Variants in APBA2 observed in about 807,000 individuals in gnomAD.
APBA2 encodes the protein amyloid-beta A4 precursor protein-binding family A member 2.
A neutral mutation model predicts 75.0 loss-of-function variants in APBA2; 30 were observed. The ratio of observed to expected loss-of-function variants is 0.40; its 90% CI spans 0.30 to 0.54. The LOEUF (loss-of-function observed/expected upper bound fraction) is 0.54, where lower values mean the gene tolerates loss of function less well. Ranked by LOEUF, APBA2 falls within the 20% of genes least tolerant of loss-of-function variation. The pLI is 0.49. For synonymous variants in APBA2, 444 were observed against 409.6 expected, an observed-to-expected ratio of 1.08 and a Z score of -1.01; for missense variants, 801 against 1,016.1, an observed-to-expected ratio of 0.79 and a Z score of 2.88.
chr15:28,890,159 C>G (rs2032035863), intron 1 of APBA2, among the ~76,000 whole-genome samples: 1 of 152,192 alleles, frequency 6.6e-6, no homozygotes, highest in Non-Finnish European at 1.5e-5. Context: ...TGGCATGTAG[C>G]ACAGACCCTC....
At chr15:29,113,718 C>T (rs1429630423) in intron 13 of APBA2, among the ~76,000 whole-genome samples, 158 bp from the exon 14 acceptor site, 1 of 152,178 alleles carries the variant, frequency 6.6e-6, no homozygotes, top group African/African-American at 2.4e-5. Flanking sequence ...AAACATACTG[C>T]ATATCATAAG....
intron 6 of APBA2, among the ~76,000 whole-genome samples, chr15:29,091,944 G>A (rs1376080869): frequency 6.6e-6 from 1 of 152,200 alleles, no homozygotes; most frequent in African/African-American, 2.4e-5. Context: ...AATCCCCAGT[G>A]GAAGGGGCTC....
intron 2 of APBA2, among the ~76,000 whole-genome samples, chr15:28,960,286 C>A (rs916188240): frequency 6.6e-6 from 1 of 151,424 alleles, no homozygotes. Flanking sequence ...CACAGCAAGA[C>A]CCCTGTCTCC....
At chr15:28,993,570 G>A (rs888942106) in intron 2 of APBA2, among the ~76,000 whole-genome samples, 2 of 152,098 alleles carry the variant, frequency 1.3e-5, no homozygotes, top group African/African-American at 2.4e-5. Context: ...CTCAAAACCC[G>A]TTCTAAATGG....
chr15:29,033,226 G>A (rs750554386), intron 3 of APBA2, among the ~76,000 whole-genome samples: 3 of 151,644 alleles, frequency 2.0e-5, no homozygotes, highest in African/African-American at 2.4e-5. Context: ...CAAGGCCCAC[G>A]TCTGCTGCCC....
chr15:29,078,674 C>T (rs1180792813), intron 6 of APBA2, among the ~76,000 whole-genome samples: 1 of 151,600 alleles, frequency 6.6e-6, no homozygotes, highest in Non-Finnish European at 1.5e-5. Flanking sequence ...GCCGCCGGTT[C>T]GATGGCTCTG....
intron 2 of APBA2, among the ~76,000 whole-genome samples, chr15:28,929,183 G>A (rs1040953345): frequency 6.6e-6 from 1 of 152,216 alleles, no homozygotes. Flanking sequence ...TTATTTGATG[G>A]TTTACTCAGT....
chr15:28,963,389 A>G (rs1198221706), intron 2 of APBA2, among the ~76,000 whole-genome samples: 1 of 152,188 alleles, frequency 6.6e-6, no homozygotes, highest in Non-Finnish European at 1.5e-5. Context: ...TGCCCAGCAC[A>G]TTGCTGAGGA....
chr15:28,907,956 C>A (rs1429926614), intron 1 of APBA2, among the ~76,000 whole-genome samples: 1 of 152,224 alleles, frequency 6.6e-6, no homozygotes, highest in Non-Finnish European at 1.5e-5. Flanking sequence ...TTTCTAAAAT[C>A]TGTTTAAAAA....
intron 8 of APBA2, among the ~76,000 whole-genome samples, chr15:29,096,269 T>G (rs1268447988): frequency 1.3e-5 from 2 of 152,204 alleles, no homozygotes; most frequent in Non-Finnish European, 1.5e-5. Context: ...TCCCTTCTTC[T>G]GCCAAGGAGG....
intron 2 of APBA2, among the ~76,000 whole-genome samples, chr15:28,982,012 G>A (rs2037648662): frequency 6.6e-6 from 1 of 152,204 alleles, no homozygotes; most frequent in African/African-American, 2.4e-5. Flanking sequence ...GGCAGAGGGT[G>A]ACAGCGGGGC....
At chr15:29,109,967 A>G (rs2044642662) in intron 13 of APBA2, among the ~76,000 whole-genome samples, 1 of 152,206 alleles carries the variant, frequency 6.6e-6, no homozygotes, top group African/African-American at 2.4e-5. Flanking sequence ...CGCCTGCCGC[A>G]GGAGCTCGCC....
intron 6 of APBA2, among the ~76,000 whole-genome samples, chr15:29,091,637 T>G (rs1240157896): frequency 6.6e-6 from 1 of 152,170 alleles, no homozygotes; most frequent in Admixed American, 6.5e-5. Flanking sequence ...AGAAAACAGG[T>G]TGGAGATTTG....
intron 1 of APBA2, among the ~76,000 whole-genome samples, chr15:28,914,030 C>T (rs1595445143): frequency 6.6e-6 from 1 of 152,172 alleles, no homozygotes; most frequent in South Asian, 2.1e-4. Flanking sequence ...AAGTGGAAGT[C>T]CTTGAGGTGA....
At chr15:28,910,069 G>C (rs941576676) in intron 1 of APBA2, among the ~76,000 whole-genome samples, 8 of 152,178 alleles carry the variant, frequency 5.3e-5, no homozygotes, top group African/African-American at 1.4e-4. Context: ...TAGAGAGGTG[G>C]AAAACAGCCA....
chr15:29,096,699 A>G (rs1204224954), intron 8 of APBA2, among the ~76,000 whole-genome samples: 1 of 152,244 alleles, frequency 6.6e-6, no homozygotes, highest in Non-Finnish European at 1.5e-5. Flanking sequence ...TCTAAAACTC[A>G]AAATTCTTGA....
At chr15:28,964,661 T>C (rs1213311149) in intron 2 of APBA2, among the ~76,000 whole-genome samples, 1 of 151,988 alleles carries the variant, frequency 6.6e-6, no homozygotes, top group Non-Finnish European at 1.5e-5. Context: ...CTAATTTTTG[T>C]ATTTTTAGTA....
chr15:29,093,296 C>T (rs965618036), intron 7 of APBA2, 76 bp downstream of exon 7: 15 of 1,571,902 alleles, frequency 9.5e-6, no homozygotes, highest in Middle Eastern at 4.3e-4. Flanking sequence ...TATGGCGGGG[C>T]GTAGGCCCTC....
At position 28,892,354 on chromosome 15, in the gene APBA2, C is replaced by T. The variant is rs138496119; in HGVS notation, c.-205+6076C>T. Among the ~76,000 whole-genome samples the T allele has an allele frequency of 3.1e-3, 465 of 152,314 alleles. 6 individuals are homozygous for T. The highest frequency in any genetic ancestry group is 0.011 in the African/African-American group (449 of 41,570). ...CCTCCCAAGGTGCTGGGATTACAGG[C>T]GTGAGCCACCACGCCTGGCCCATGT... On this transcript the variant is annotated intron_variant, in intron 1 of 14. Transcript: ENST00000683413.
Sources: gnomAD v4.1 joint callset for allele counts (sites outside exome capture counted in the v4.1 genomes callset) on GRCh38, gnomAD v4.1.1 for gene constraint, MANE v1.5 for transcripts, NCBI Gene and HGNC (gene_info 2026-07-23, HGNC 2026-07-21) for gene names.